The following SIPA1L1 variants were observed in gnomAD, a reference collection of about 807,000 sequenced individuals.
The protein encoded by SIPA1L1 is signal-induced proliferation-associated 1-like protein 1.
In SIPA1L1, 26 loss-of-function variants were observed where a neutral mutation model predicts 162.7. The ratio of observed to expected loss-of-function variants is 0.16; its 90% CI spans 0.12 to 0.22. SIPA1L1 has a LOEUF of 0.22. Among genes scored for constraint, SIPA1L1 ranks in the 10% least tolerant of loss-of-function variants. SIPA1L1 has a pLI of 1.00. For missense variants in SIPA1L1, 1,874 were observed against 2,241.0 expected (o/e 0.84, Z 3.31); for synonymous variants, 829 against 837.4 (o/e 0.99, Z 0.17).
intron 7 of SIPA1L1, among the ~76,000 whole-genome samples, chr14:71,634,430 G>A (rs1198424639): frequency 4.0e-5 from 6 of 148,718 alleles, no homozygotes; most frequent in African/African-American, 1.5e-4. Flanking sequence ...CCACCTATAA[G>A]GGAAGAACAA....
intron 2 of SIPA1L1, among the ~76,000 whole-genome samples, chr14:71,399,464 G>A (rs912404011): frequency 6.6e-6 from 1 of 152,120 alleles, no homozygotes; most frequent in African/African-American, 2.4e-5. Context: ...GAGTGCAGTG[G>A]TACTATCGTA....
intron 13 of SIPA1L1, among the ~76,000 whole-genome samples, chr14:71,697,944 ACC>A (rs2081777755): frequency 6.6e-6 from 1 of 151,578 alleles, no homozygotes. Flanking sequence ...CAAAAAAAAA[ACC>A]ACAGAAAACA....
Position 71,724,312 on chromosome 14 carries a change from A to G in SIPA1L1, c.4449-358A>G, listed in dbSNP as rs369480930. On this transcript the variant is annotated intron_variant, in intron 18 of 23. Coordinates refer to ENST00000381232, the MANE Select transcript of SIPA1L1 (RefSeq NM_001386936.1). ...AAAGGACTTTTTGACAAGGTAGTAC[A>G]TCAAAAAATTAAATGATTCATTCAA... Among the ~76,000 whole-genome samples, 35 of 152,376 alleles carry G rather than the reference A, an allele frequency of 2.3e-4. 1 individual carries two copies. Among genetic ancestry groups the G allele is most frequent in the Middle Eastern group, 6.8e-3 (2 of 294 alleles).
chr14:71,341,649 C>G (rs531186682), intron 2 of SIPA1L1, among the ~76,000 whole-genome samples: 181 of 152,216 alleles, frequency 1.2e-3, no homozygotes, highest in African/African-American at 4.2e-3. Flanking sequence ...ACTCATCCCT[C>G]CCTCTCTCTC....
In SIPA1L1 at chr14:71,651,790, T is replaced by A. The variant is rs1033196468; in HGVS notation, c.1993+1281T>A. On this transcript the variant is annotated intron_variant, in intron 8 of 23. Transcript: ENST00000381232. Reference sequence around the variant, plus strand: ...CTGTGATGAAGGGTGATGTGAGAAATGTATAGCTAGGGTATCGTTAAGCAA... The same window carrying A: ...CTGTGATGAAGGGTGATGTGAGAAAAGTATAGCTAGGGTATCGTTAAGCAA... Among the ~76,000 whole-genome samples, 6 of 152,280 alleles carry A rather than the reference T, an allele frequency of 3.9e-5. 1 individual carries two copies. Among genetic ancestry groups the A allele is most frequent in the Admixed American group, 6.5e-5 (1 of 15,290 alleles).
At chr14:71,706,009 GTATGTT>G (rs2082411259) in intron 16 of SIPA1L1, among the ~76,000 whole-genome samples, 1 of 151,954 alleles carries the variant, frequency 6.6e-6, no homozygotes, top group African/African-American at 2.4e-5. Flanking sequence ...ACTGGAATGT[GTATGTT>G]TATATTCACG....
chr14:71,524,562 AAT>A (rs2052674610), intron 3 of SIPA1L1, among the ~76,000 whole-genome samples: 1 of 152,206 alleles, frequency 6.6e-6, no homozygotes, highest in South Asian at 2.1e-4. Flanking sequence ...TGTAAGATAA[AAT>A]TCAAACTTCA....
At chr14:71,552,122 G>C (rs987175160) in intron 4 of SIPA1L1, among the ~76,000 whole-genome samples, 1 of 152,020 alleles carries the variant, frequency 6.6e-6, no homozygotes, top group African/African-American at 2.4e-5. Flanking sequence ...CTTTCCCCAG[G>C]CTTTAGGACA....
At chr14:71,552,904 A>G (rs192691871) in intron 4 of SIPA1L1, among the ~76,000 whole-genome samples, 50 of 152,168 alleles carry the variant, frequency 3.3e-4, no homozygotes, top group Middle Eastern at 3.4e-3. Context: ...CAGGGTCTCA[A>G]CCTTAGGACT....
chr14:71,501,950 G>C (rs780441986), intron 2 of SIPA1L1, among the ~76,000 whole-genome samples: 3 of 151,148 alleles, frequency 2.0e-5, no homozygotes, highest in Non-Finnish European at 4.4e-5. Flanking sequence ...GGAGGCCGCG[G>C]TGGGAGGGCC....
chr14:71,519,836 A>G (rs1184298579), intron 3 of SIPA1L1, among the ~76,000 whole-genome samples: 4 of 152,084 alleles, frequency 2.6e-5, no homozygotes, highest in Non-Finnish European at 4.4e-5. Flanking sequence ...TATGGAAAAA[A>G]AAGATTGATT....
At position 71,671,431 on chromosome 14, in the gene SIPA1L1, G is replaced by A; in HGVS notation, c.2568G>A (p.Met856Ile). The A allele has an allele frequency of 6.2e-7, 1 of 1,614,214 alleles. No individual in the cohort carries two copies. The highest frequency in any genetic ancestry group is 8.5e-7 in the Non-Finnish European group (1 of 1,180,036). The change falls in exon 11 of 24, where the codon ATG becomes ATA. Residue 856 changes from methionine (M) to isoleucine (I), a missense_variant. Met to Ile is a conservative substitution (Grantham distance 10). Around this residue, in one of 5 missense-constraint regions of SIPA1L1, gnomAD observed 243 missense variants for 315.0 expected, o/e 0.77. Transcript: ENST00000381232. ...ATCCAGGAGCCGAGCTCAGCAGCAT[G>A]GGGGCCATTGTATGGGCAGTCCGGG... is the stretch of plus-strand genomic sequence containing the variant. Reference protein sequence around the residue: ...KPYPGAELSSMGAIVWAVRAE... With the variant: ...KPYPGAELSSIGAIVWAVRAE...
At chr14:71,706,375 A>C (rs1320753259) in intron 16 of SIPA1L1, among the ~76,000 whole-genome samples, 1 of 152,216 alleles carries the variant, frequency 6.6e-6, no homozygotes, top group African/African-American at 2.4e-5. Context: ...TTTTGGGCAC[A>C]TTGGGCTAGA....
At chr14:71,350,516 A>G (rs1199532675) in intron 2 of SIPA1L1, among the ~76,000 whole-genome samples, 1 of 152,130 alleles carries the variant, frequency 6.6e-6, no homozygotes, top group African/African-American at 2.4e-5. Context: ...CTATTATGCT[A>G]AGGACTTGGG....
chr14:71,687,435 T>TC (rs2149596500), intron 13 of SIPA1L1, among the ~76,000 whole-genome samples: 1 of 152,310 alleles, frequency 6.6e-6, no homozygotes, highest in East Asian at 1.9e-4. Context: ...AAGGACCTTT[T>TC]CCCCCACCTC....
intron 2 of SIPA1L1, among the ~76,000 whole-genome samples, chr14:71,434,672 G>C (rs2044243166): frequency 6.6e-6 from 1 of 152,076 alleles, no homozygotes; most frequent in African/African-American, 2.4e-5. Flanking sequence ...TTGAACTCCT[G>C]GGCTCAAGCG....
At chr14:71,336,027 C>G (rs1207502152) in intron 2 of SIPA1L1, among the ~76,000 whole-genome samples, 2 of 152,070 alleles carry the variant, frequency 1.3e-5, no homozygotes, top group Non-Finnish European at 2.9e-5. Context: ...TTAATTTTTC[C>G]CCCTAGAAGG....
rs1410859664 is a variant in SIPA1L1 at position 71,465,196 on chromosome 14, T to A, written c.-464-47547T>A. ...TTTCCAATCAGTGCCCTGACTGTAATGGTAGACACCTGATGAGGATGTGTA... is the reference window on the plus strand; with the variant it reads ...TTTCCAATCAGTGCCCTGACTGTAAAGGTAGACACCTGATGAGGATGTGTA... On this transcript the variant is annotated intron_variant, in intron 2 of 23. Coordinates refer to ENST00000381232, the MANE Select transcript of SIPA1L1 (RefSeq NM_001386936.1). Among the ~76,000 whole-genome samples, 3 of 152,356 alleles carry A rather than the reference T, an allele frequency of 2.0e-5. No homozygotes were observed. The East Asian group carries it at 5.8e-4, about 29-fold the overall frequency.
At chr14:71,642,867 A>G (rs1567380603) in intron 7 of SIPA1L1, among the ~76,000 whole-genome samples, 1 of 152,144 alleles carries the variant, frequency 6.6e-6, no homozygotes, top group Non-Finnish European at 1.5e-5. Context: ...AAGCTACAAT[A>G]TCTGAGTTGA....
Sources: allele counts gnomAD v4.1 joint callset (sites outside exome capture counted in the v4.1 genomes callset), GRCh38; gene constraint gnomAD v4.1.1; regional missense constraint gnomAD v4.1.1; transcripts MANE v1.5; gene names NCBI Gene and HGNC (gene_info 2026-07-23, HGNC 2026-07-21).